The following CAMKV variants were observed in gnomAD, a reference collection of about 807,000 sequenced individuals.
The protein encoded by CAMKV is CaM kinase like vesicle associated.
Under a neutral mutation model 50.2 loss-of-function variants are expected in CAMKV, and 5 were observed. The observed-to-expected ratio is 0.10, with a 90% CI of 0.05 to 0.21. The LOEUF (loss-of-function observed/expected upper bound fraction) is 0.21. CAMKV is among the 10% of genes least tolerant of loss of function. The probability of loss-of-function intolerance (pLI) is 1.00; values close to 1 mark genes in which losing one functional copy is unlikely to be tolerated. For missense variants in CAMKV, 361 were observed against 650.5 expected, an observed-to-expected ratio of 0.55 and a Z score of 4.84; for synonymous variants, 229 against 250.1, an observed-to-expected ratio of 0.92 and a Z score of 0.80.
At position 49,859,298 on chromosome 3, in the gene CAMKV, C is replaced by A. The variant is rs368592470; in HGVS notation, c.*20G>T. On this transcript the variant is annotated 3_prime_UTR_variant, in exon 11 of 11. Transcript: ENST00000477224. The surrounding 1 kb of genome is among the most constrained non-coding windows in gnomAD (Gnocchi z 5.5). ...CCACCCTCCTGCCCATCCCCTGCCCCCCCTCACCAGGCTGCCTACTCAGCT... is the reference window on the plus strand; with the variant it reads ...CCACCCTCCTGCCCATCCCCTGCCCACCCTCACCAGGCTGCCTACTCAGCT... 3.3e-6 allele frequency: 5 copies of A among 1,514,316 alleles called. No homozygotes were observed. Among genetic ancestry groups the A allele is most frequent in the Non-Finnish European group, 4.4e-6 (5 of 1,134,920 alleles). The allele number at this position is 1,514,316 out of a possible 1,614,324, so 93.8% of individuals were successfully genotyped here. A position where few individuals can be genotyped will look rare whatever the true frequency, so the allele number is the denominator to read the frequency against.
Position 49,860,244 on chromosome 3 carries a change from G to A in CAMKV, c.869C>T (p.Ala290Val). ...AISHEWISGN[A>V]ASDKNIKDGV... ...ATCCTTGATGTTCTTATCAGAAGCA[G>A]CATTGCCAGAAATCCTGGAAAGGGT... Residue 290 changes from alanine to valine, a missense_variant, in exon 10 of 11, where the codon GCT (alanine) becomes GTT (valine). This residue lies in a region of CAMKV where 172 missense variants were observed against 414.3 expected (regional missense o/e 0.42). Transcript: ENST00000477224. This position sits in a 1 kb window ranked among gnomAD's most constrained non-coding sequence, Gnocchi z 6.1. The A allele has an allele frequency of 6.2e-7, 1 of 1,614,130 alleles. No individual in the cohort carries two copies. The highest frequency in any genetic ancestry group is 8.5e-7 in the Non-Finnish European group (1 of 1,179,992).
rs1308949589 is a variant in CAMKV at position 49,869,330 on chromosome 3, C to A, written c.-15+428G>T. Among the ~76,000 whole-genome samples the A allele has an allele frequency of 6.6e-6, 1 of 152,184 alleles. No individual in the cohort carries two copies. The highest frequency in any genetic ancestry group is 1.5e-5 in the Non-Finnish European group (1 of 68,024). ...CGCGGCAGCCCCGCCCAGCCCCCTC[C>A]GGGTTGTCGCCCATAAAGAACTCTC... On this transcript the variant is annotated intron_variant, in intron 1 of 10. Coordinates refer to ENST00000477224, the MANE Select transcript of CAMKV (RefSeq NM_024046.5). The surrounding 1 kb of genome is among the most constrained non-coding windows in gnomAD (Gnocchi z 5.2).
chr3:49,860,421 G>T lies in CAMKV; in HGVS notation c.854+50C>A. On this transcript the variant is annotated intron_variant, in intron 9 of 10. Coordinates refer to ENST00000477224, the MANE Select transcript of CAMKV (RefSeq NM_024046.5). The surrounding 1 kb of genome is among the most constrained non-coding windows in gnomAD (Gnocchi z 6.1). ...CCAGGCCTCAAAGATGGGGCTGCTG[G>T]GTGTGAGGGGGACCCTGGCCTCTCC... 1 of 1,594,020 alleles carries T rather than the reference G, an allele frequency of 6.3e-7. No homozygotes were observed. Among genetic ancestry groups the T allele is most frequent in the African/African-American group, 1.3e-5 (1 of 74,532 alleles).
In CAMKV at chr3:49,859,463, G is replaced by C; in HGVS notation, c.1361C>G (p.Thr454Ser). 1 of 1,614,066 alleles carries C rather than the reference G, an allele frequency of 6.2e-7. No homozygotes were observed. The highest frequency in any genetic ancestry group is 8.5e-7 in the Non-Finnish European group (1 of 1,179,912). ...CGGCTCAGGGGTGGCAGCTGCCTTG[G>C]TGGCCAGCATGGCACTGCTTTGGGT... The part of the protein sequence containing the change: ...PTTQSSAMLA[T>S]KAAATPEPAM... Residue 454 changes from threonine to serine, a missense_variant, in exon 11 of 11, where the codon ACC (threonine) becomes AGC (serine). Physicochemically the swap from Thr to Ser is moderately conservative, Grantham distance 58. Coordinates refer to ENST00000477224, the MANE Select transcript of CAMKV (RefSeq NM_024046.5). This position sits in a 1 kb window ranked among gnomAD's most constrained non-coding sequence, Gnocchi z 5.5.
Position 49,861,515 on chromosome 3 carries a change from G to C in CAMKV, c.365C>G (p.Thr122Arg). 1 of 1,614,184 alleles carries C rather than the reference G, an allele frequency of 6.2e-7. No homozygotes were observed. The highest frequency in any genetic ancestry group is 8.5e-7 in the Non-Finnish European group (1 of 1,180,042). The change falls in exon 5 of 11, where the codon ACA (threonine) becomes AGA (arginine). Residue 122 changes from threonine (T) to arginine (R), a missense_variant. Thr to Arg is a moderately conservative substitution (Grantham distance 71, BLOSUM62 -1). Around this residue, in one of 4 missense-constraint regions of CAMKV, gnomAD observed 172 missense variants for 414.3 expected, o/e 0.42. Coordinates refer to ENST00000477224, the MANE Select transcript of CAMKV (RefSeq NM_024046.5). The surrounding 1 kb of genome is among the most constrained non-coding windows in gnomAD (Gnocchi z 7.7). ...LDQGYYSERD[T>R]SNVVRQVLEA... ...CAGGACTTGCCGTACCACGTTGCTTGTGTCTCGCTCCGAGTAGTAGCCCTG... is the reference window on the plus strand; with the variant it reads ...CAGGACTTGCCGTACCACGTTGCTTCTGTCTCGCTCCGAGTAGTAGCCCTG...
At position 49,860,007 on chromosome 3, in the gene CAMKV, C is replaced by A; in HGVS notation, c.943-126G>T. On this transcript the variant is annotated intron_variant, in intron 10 of 10. Coordinates refer to ENST00000477224, the MANE Select transcript of CAMKV (RefSeq NM_024046.5). The surrounding 1 kb of genome is among the most constrained non-coding windows in gnomAD (Gnocchi z 6.1). ...TCCATCCACCCCAGGGCCAAGTACTCAGCTGCTCAGCACTCCTACTTAAGG... is the reference window on the plus strand; with the variant it reads ...TCCATCCACCCCAGGGCCAAGTACTAAGCTGCTCAGCACTCCTACTTAAGG... The A allele has an allele frequency of 1.9e-6, 2 of 1,053,706 alleles. No homozygotes were observed. Among genetic ancestry groups the A allele is most frequent in the South Asian group, 3.1e-5 (2 of 64,504 alleles). 65.3% of individuals were successfully genotyped at this position (1,053,706 alleles called of 1,614,324 possible). A position where few individuals can be genotyped will look rare whatever the true frequency, so the allele number is the denominator to read the frequency against.
Position 49,860,026 on chromosome 3 carries a change from C to T in CAMKV, c.942+145G>A, listed in dbSNP as rs767997532. 59 of 1,053,178 alleles carry T rather than the reference C, an allele frequency of 5.6e-5. No homozygotes were observed. Among genetic ancestry groups the T allele is most frequent in the Non-Finnish European group, 7.8e-5 (56 of 716,458 alleles). The allele number at this position is 1,053,178 out of a possible 1,614,324, so 65.2% of individuals were successfully genotyped here. A position where few individuals can be genotyped will look rare whatever the true frequency, so the allele number is the denominator to read the frequency against. On this transcript the variant is annotated intron_variant, in intron 10 of 10. Coordinates refer to ENST00000477224, the MANE Select transcript of CAMKV (RefSeq NM_024046.5). The surrounding 1 kb of genome is among the most constrained non-coding windows in gnomAD (Gnocchi z 6.1). The stretch of plus-strand genomic sequence containing the variant: ...AGTACTCAGCTGCTCAGCACTCCTA[C>T]TTAAGGTAATCACAGTGGCTACACC...
rs1400484706 is a variant in CAMKV, at chr3:49,862,350, G to A, written c.39C>T (p.Asn13=). 5.6e-6 allele frequency: 9 copies of A among 1,614,092 alleles called. No homozygotes were observed. Among genetic ancestry groups the A allele is most frequent in the Non-Finnish European group, 7.6e-6 (9 of 1,180,040 alleles). ...FGCVTLGDKK[N]YNQPSEVTDR... ...CAGTCACCTCCGATGGCTGGTTATA[G>A]TTCTTCTTGTCGCCCAGAGTCACAC... Residue 13 remains asparagine, a synonymous_variant, in exon 2 of 11, where the codon AAC becomes AAT. Transcript: ENST00000477224. This position sits in a 1 kb window ranked among gnomAD's most constrained non-coding sequence, Gnocchi z 5.2.
At position 49,860,553 on chromosome 3, in the gene CAMKV, T is replaced by C; in HGVS notation, c.776-4A>G. 6.2e-7 allele frequency: 1 copy of C among 1,612,756 alleles called. No homozygotes were observed. Among genetic ancestry groups the C allele is most frequent in the Non-Finnish European group, 8.5e-7 (1 of 1,179,394 alleles). On this transcript the variant is annotated splice_polypyrimidine_tract_variant and splice_region_variant and intron_variant, in intron 8 of 10. Coordinates refer to ENST00000477224, the MANE Select transcript of CAMKV (RefSeq NM_024046.5). The surrounding 1 kb of genome is among the most constrained non-coding windows in gnomAD (Gnocchi z 6.1). The stretch of plus-strand genomic sequence containing the variant: ...AGCCTTGTGACCAGGTCTTTGGCTG[T>C]GGACAAAACCAAGAAGGGGATAGTC...
chr3:49,861,211 G>T lies in CAMKV; in HGVS notation c.531C>A (p.Ile177=). 1 of 1,613,646 alleles carries T rather than the reference G, an allele frequency of 6.2e-7. No individual in the cohort carries two copies. The highest frequency in any genetic ancestry group is 8.5e-7 in the Non-Finnish European group (1 of 1,179,918). The change falls in exon 6 of 11, where the codon ATC becomes ATA. Residue 177 remains isoleucine, a synonymous_variant. Transcript: ENST00000477224. The surrounding 1 kb of genome is among the most constrained non-coding windows in gnomAD (Gnocchi z 7.7). ...FHLAKLENGL[I]KEPCGTPEYL... ...ACTCGGGGGTCCCACAGGGCTCCTT[G>T]ATGAGGCCATTTTCTAGCTTAGCCA...
rs143217264 is a variant in CAMKV at position 49,860,217 on chromosome 3, C to G, written c.896G>C (p.Gly299Ala). Residue 299 changes from glycine to alanine, a missense_variant, in exon 10 of 11, where the codon GGT becomes GCT. Physicochemically the swap from Gly to Ala is moderately conservative, Grantham distance 60. Transcript: ENST00000477224. The surrounding 1 kb of genome is among the most constrained non-coding windows in gnomAD (Gnocchi z 6.1). ...NAASDKNIKDGVCAQIEKNFA... is the reference protein window; with the variant it reads ...NAASDKNIKDAVCAQIEKNFA... Reference sequence around the variant, plus strand: ...GTTCTTTTCAATCTGGGCACAGACACCATCCTTGATGTTCTTATCAGAAGC... The same window carrying G: ...GTTCTTTTCAATCTGGGCACAGACAGCATCCTTGATGTTCTTATCAGAAGC... 1.2e-6 allele frequency: 2 copies of G among 1,614,162 alleles called. No homozygotes were observed. The highest frequency in any genetic ancestry group is 2.2e-5 in the South Asian group (2 of 91,086).
rs573710169 is a variant in CAMKV at position 49,859,845 on chromosome 3, G to A, written c.979C>T (p.Arg327Trp). The A allele has an allele frequency of 2.6e-6, 4 of 1,516,282 alleles. No homozygotes were observed. The highest frequency in any genetic ancestry group is 3.5e-6 in the Non-Finnish European group (4 of 1,139,492). The allele number at this position is 1,516,282 out of a possible 1,614,324, so 93.9% of individuals were successfully genotyped here. ...VRVTTLMKRL[R>W]APEQSSTAAA... is the part of the protein sequence containing the mutation. Reference sequence around the variant, plus strand: ...GCCGTGCTGGACTGCTCTGGTGCCCGGAGCCGTTTCATGAGGGTGGTCACT... The same window carrying A: ...GCCGTGCTGGACTGCTCTGGTGCCCAGAGCCGTTTCATGAGGGTGGTCACT... The change falls in exon 11 of 11, where the codon CGG becomes TGG. Residue 327 changes from arginine (R) to tryptophan (W), a missense_variant. By Grantham distance (101) the Arg-to-Trp change is moderately radical. Transcript: ENST00000477224. The surrounding 1 kb of genome is among the most constrained non-coding windows in gnomAD (Gnocchi z 5.5).
rs932569740 is a variant in CAMKV at position 49,858,157 on chromosome 3, G to A, written c.*1161C>T. ...TGGCTGCCTATCCAGGCTGTGGTAG[G>A]GTCTGACAAAGGGCACCTGTCAGGA... On this transcript the variant is annotated 3_prime_UTR_variant, in exon 11 of 11. Coordinates refer to ENST00000477224, the MANE Select transcript of CAMKV (RefSeq NM_024046.5). 2 of 397,222 alleles carry A rather than the reference G, an allele frequency of 5.0e-6. No homozygotes were observed. The highest frequency in any genetic ancestry group is 4.1e-5 in the African/African-American group (2 of 48,582). 24.6% of individuals were successfully genotyped at this position (397,222 alleles called of 1,614,324 possible).
chr3:49,859,420 G>A lies in CAMKV; in HGVS notation c.1404C>T (p.Asp468=). Residue 468 remains aspartate, a synonymous_variant, in exon 11 of 11, where the codon GAC becomes GAT. Transcript: ENST00000477224. This position sits in a 1 kb window ranked among gnomAD's most constrained non-coding sequence, Gnocchi z 5.5. ...CTGTGGCGCCCTCTGGGGCTGTGCT[G>A]TCCGGCTGGGCCATAGCCGGCTCAG... The part of the protein sequence containing the change: ...ATPEPAMAQP[D]STAPEGATGQ... The A allele has an allele frequency of 1.2e-6, 2 of 1,611,670 alleles. No homozygotes were observed. Among genetic ancestry groups the A allele is most frequent in the East Asian group, 2.2e-5 (1 of 44,854 alleles).
chr3:49,859,998 C>G lies in CAMKV; in HGVS notation c.943-117G>C. 1 of 1,105,326 alleles carries G rather than the reference C, an allele frequency of 9.0e-7. No individual in the cohort carries two copies. The highest frequency in any genetic ancestry group is 1.3e-6 in the Non-Finnish European group (1 of 782,080). The allele number at this position is 1,105,326 out of a possible 1,614,324, so 68.5% of individuals were successfully genotyped here. ...CCGGCCACCTCCATCCACCCCAGGG[C>G]CAAGTACTCAGCTGCTCAGCACTCC... On this transcript the variant is annotated intron_variant, in intron 10 of 10. Transcript: ENST00000477224. The surrounding 1 kb of genome is among the most constrained non-coding windows in gnomAD (Gnocchi z 5.5).
Position 49,861,949 on chromosome 3 carries a change from TAATTGGCCA to T in CAMKV, c.227+87_228-85del. 1 of 1,607,038 alleles carries T rather than the reference TAATTGGCCA, an allele frequency of 6.2e-7. No individual in the cohort carries two copies. The highest frequency in any genetic ancestry group is 8.5e-7 in the Non-Finnish European group (1 of 1,175,696). On this transcript the variant is annotated intron_variant, in intron 3 of 10. Coordinates refer to ENST00000477224, the MANE Select transcript of CAMKV (RefSeq NM_024046.5). The surrounding 1 kb of genome is among the most constrained non-coding windows in gnomAD (Gnocchi z 7.7). ...GGTCACCACAGTGGCCACAGCAGACTAATTGGCCAGAGGCTGGGACTGCCTGAGGCCACT... is the reference window on the plus strand; with the variant it reads ...GGTCACCACAGTGGCCACAGCAGACTGAGGCTGGGACTGCCTGAGGCCACT...
At position 49,859,182 on chromosome 3, in the gene CAMKV, A is replaced by G. The variant is rs2081999546; in HGVS notation, c.*136T>C. 1 of 782,754 alleles carries G rather than the reference A, an allele frequency of 1.3e-6. No individual in the cohort carries two copies. 48.5% of individuals were successfully genotyped at this position (782,754 alleles called of 1,614,324 possible). A position where few individuals can be genotyped will look rare whatever the true frequency, so the allele number is the denominator to read the frequency against. On this transcript the variant is annotated 3_prime_UTR_variant, in exon 11 of 11. Coordinates refer to ENST00000477224, the MANE Select transcript of CAMKV (RefSeq NM_024046.5). The surrounding 1 kb of genome is among the most constrained non-coding windows in gnomAD (Gnocchi z 5.5). The stretch of plus-strand genomic sequence containing the variant: ...ACGAGACTGCTCTCCCGTGACCCCT[A>G]GTTATGCCCCACTGGGATGTGGGGG...
intron 1 of CAMKV, among the ~76,000 whole-genome samples, chr3:49,864,197 T>C (rs1475528614): frequency 1.3e-5 from 2 of 152,218 alleles, no homozygotes; most frequent in African/African-American, 2.4e-5. Flanking sequence ...AGAGGGATAA[T>C]CTGGGTGGAG....
Position 49,858,083 on chromosome 3 carries a change from G to T in CAMKV, c.*1235C>A. On this transcript the variant is annotated 3_prime_UTR_variant, in exon 11 of 11. Coordinates refer to ENST00000477224, the MANE Select transcript of CAMKV (RefSeq NM_024046.5). Reference sequence around the variant, plus strand: ...CAGAGCAGACCCACAGGCATGCAGGGAGAAGGGCAGGACCACCACGGAGTG... The same window carrying T: ...CAGAGCAGACCCACAGGCATGCAGGTAGAAGGGCAGGACCACCACGGAGTG... The T allele has an allele frequency of 2.5e-6, 1 of 395,278 alleles. No homozygotes were observed. Among genetic ancestry groups the T allele is most frequent in the Non-Finnish European group, 4.5e-6 (1 of 224,382 alleles). 24.5% of individuals were successfully genotyped at this position (395,278 alleles called of 1,614,324 possible). A position where few individuals can be genotyped will look rare whatever the true frequency, so the allele number is the denominator to read the frequency against.
Sources: allele counts gnomAD v4.1 joint callset (sites outside exome capture counted in the v4.1 genomes callset), GRCh38; gene constraint gnomAD v4.1.1; regional missense constraint gnomAD v4.1.1; non-coding constraint Gnocchi (gnomAD v3.1); transcripts MANE v1.5; gene names NCBI Gene and HGNC (gene_info 2026-07-23, HGNC 2026-07-21).